Variants in AP3B2 observed in about 807,000 individuals in gnomAD.
AP3B2 encodes adaptor related protein complex 3 subunit beta 2.
In AP3B2, 50 loss-of-function variants were observed where a neutral mutation model predicts 126.9. That is an observed-to-expected ratio of 0.39 (90% CI 0.31 to 0.50). AP3B2 has a LOEUF of 0.50. Ranked by LOEUF, AP3B2 falls within the 20% of genes least tolerant of loss-of-function variation. AP3B2 has a pLI of 0.79. For synonymous variants in AP3B2, 541 were observed against 565.0 expected (o/e 0.96, Z 0.60); for missense variants, 1,177 against 1,426.4 (o/e 0.83, Z 2.82).
At chr15:82,682,555 A>G (rs999600061) in intron 4 of AP3B2, among the ~76,000 whole-genome samples, 5 of 152,090 alleles carry the variant, frequency 3.3e-5, no homozygotes, top group Non-Finnish European at 7.4e-5. Context: ...AACGAGTCAC[A>G]TAAATTTTTT....
At chr15:82,670,112 T>TGG (rs1465209530) in intron 14 of AP3B2, among the ~76,000 whole-genome samples, 2,748 of 68,378 alleles carry the variant, frequency 0.04, 221 homozygotes, top group East Asian at 0.082. Context: ...TTTTTTTTTT[T>TGG]GGCGGGGGGG....
chr15:82,692,154 T>G, intron 1 of AP3B2: 2 of 1,488,360 alleles, frequency 1.3e-6, no homozygotes, highest in Non-Finnish European at 1.9e-6. Context: ...ACACTGGCCA[T>G]AATCATAACT....
At chr15:82,700,956 G>A (rs2048711778) in intron 1 of AP3B2, among the ~76,000 whole-genome samples, 1 of 151,704 alleles carries the variant, frequency 6.6e-6, no homozygotes, top group African/African-American at 2.4e-5. Flanking sequence ...CACCTCCCGG[G>A]TTCATGTGAT....
In AP3B2 at chr15:82,665,029, T is replaced by A; in HGVS notation, c.2029-86A>T. 1 of 1,157,794 alleles carries A rather than the reference T, an allele frequency of 8.6e-7. No individual in the cohort carries two copies. Among genetic ancestry groups the A allele is most frequent in the Non-Finnish European group, 1.3e-6 (1 of 792,846 alleles). The allele number at this position is 1,157,794 out of a possible 1,614,324, so 71.7% of individuals were successfully genotyped here. A position where few individuals can be genotyped will look rare whatever the true frequency, so the allele number is the denominator to read the frequency against. On this transcript the variant is annotated intron_variant, in intron 17 of 26. Transcript: ENST00000535359. The surrounding 1 kb of genome is among the most constrained non-coding windows in gnomAD (Gnocchi z 4.4). ...ACAAGCCCTTACCCTTTATTCCACC[T>A]CTTTGTGAGGCCCTACCTGGTCTGT...
At chr15:82,662,658 A>T (rs1410630626) in intron 23 of AP3B2, 36 bp downstream of exon 23, 8 of 1,565,108 alleles carry the variant, frequency 5.1e-6, no homozygotes, top group Non-Finnish European at 6.1e-6. Context: ...TCTGCCCAGG[A>T]GCCTCCTCCT....
chr15:82,682,470 A>G (rs1464224884), intron 4 of AP3B2, among the ~76,000 whole-genome samples: 1 of 152,178 alleles, frequency 6.6e-6, no homozygotes, highest in Non-Finnish European at 1.5e-5. Context: ...AGCAGCAGCT[A>G]TATATTACAG....
At chr15:82,675,172 C>G (rs879927865) in intron 14 of AP3B2, among the ~76,000 whole-genome samples, 2 of 152,240 alleles carry the variant, frequency 1.3e-5, no homozygotes, top group African/African-American at 4.8e-5. Flanking sequence ...TAACTTCTCT[C>G]TCTCCAATCT....
intron 15 of AP3B2, among the ~76,000 whole-genome samples, chr15:82,666,105 GAA>G (rs2048053101): frequency 6.6e-6 from 1 of 152,220 alleles, no homozygotes. Context: ...GAAAAAGAAC[GAA>G]AAGATACCCA....
At chr15:82,661,795 CCT>C (rs772462386) in intron 25 of AP3B2, 28 bp downstream of exon 25, 24 of 1,565,874 alleles carry the variant, frequency 1.5e-5, no homozygotes, top group Admixed American at 3.5e-5. Context: ...TCTATACTTC[CCT>C]CTCTGCCCAC....
chr15:82,701,392 T>C (rs993032567), intron 1 of AP3B2, among the ~76,000 whole-genome samples: 1 of 151,994 alleles, frequency 6.6e-6, no homozygotes. Flanking sequence ...TAAACAAAAA[T>C]ATGGAGTCAT....
intron 1 of AP3B2, among the ~76,000 whole-genome samples, chr15:82,705,327 C>T (rs112441118): frequency 0.022 from 3,421 of 152,226 alleles, 110 homozygotes; most frequent in African/African-American, 0.078. Flanking sequence ...ACTCTCCTTA[C>T]AATTCCCCCA....
In AP3B2 at chr15:82,681,892, G is replaced by C. The variant is rs560583553; in HGVS notation, c.361-312C>G. 6.6e-6 allele frequency among the ~76,000 whole-genome samples: 1 copy of C among 152,132 alleles called. No homozygotes were observed. Among genetic ancestry groups the C allele is most frequent in the Middle Eastern group, 3.4e-3 (1 of 294 alleles). ...TCCTGTTCCTTGTAAGGGTTTTTTT[G>C]GAGGTGCCTGTTTTAATGCCTGAGG... On this transcript the variant is annotated intron_variant, in intron 4 of 26. Transcript: ENST00000535359. The surrounding 1 kb of genome is among the most constrained non-coding windows in gnomAD (Gnocchi z 4.0).
At chr15:82,670,678 G>C (rs1368393950) in intron 14 of AP3B2, among the ~76,000 whole-genome samples, 4 of 152,090 alleles carry the variant, frequency 2.6e-5, no homozygotes, top group Non-Finnish European at 5.9e-5. Flanking sequence ...CACAAGCACG[G>C]GCAACCAAAG....
At chr15:82,662,016 AAG>A in intron 24 of AP3B2, 94 bp from the exon 25 acceptor site, 1 of 1,363,504 alleles carries the variant, frequency 7.3e-7, no homozygotes, top group East Asian at 2.4e-5. Flanking sequence ...GAGGCAGTGA[AAG>A]AGTGAGGTCA....
intron 1 of AP3B2, among the ~76,000 whole-genome samples, chr15:82,690,642 C>CTA (rs2048512081): frequency 1.5e-5 from 1 of 68,926 alleles, no homozygotes; most frequent in Non-Finnish European, 2.6e-5. Flanking sequence ...TTTTCTTCTT[C>CTA]TTTTTTTTTT....
chr15:82,663,983 AGT>A lies in AP3B2; in HGVS notation c.2262-10_2262-9del. 2 of 1,600,228 alleles carry A rather than the reference AGT, an allele frequency of 1.2e-6. No homozygotes were observed. The highest frequency in any genetic ancestry group is 2.2e-5 in the South Asian group (2 of 90,668). Reference sequence around the variant, plus strand: ...TCCTCCTCACTCTGTTCACTGAAGGAGTGGGAAAGGTTGGCTCAGGCCTGGCC... The same window carrying A: ...TCCTCCTCACTCTGTTCACTGAAGGAGGGAAAGGTTGGCTCAGGCCTGGCC... On this transcript the variant is annotated splice_polypyrimidine_tract_variant and intron_variant, in intron 19 of 26. Coordinates refer to ENST00000535359, the MANE Select transcript of AP3B2 (RefSeq NM_001278512.2).
chr15:82,672,152 C>T (rs1034565452), intron 14 of AP3B2, among the ~76,000 whole-genome samples: 4 of 152,184 alleles, frequency 2.6e-5, no homozygotes, highest in African/African-American at 9.7e-5. Flanking sequence ...TATATCTGCA[C>T]ACCTACGTTT....
Position 82,664,730 on chromosome 15 carries a change from G to A in AP3B2, c.2137+105C>T, listed in dbSNP as rs750517068. 13 of 993,016 alleles carry A rather than the reference G, an allele frequency of 1.3e-5. No individual in the cohort carries two copies. The highest frequency in any genetic ancestry group is 3.2e-5 in the South Asian group (2 of 62,778). The allele number at this position is 993,016 out of a possible 1,614,324, so 61.5% of individuals were successfully genotyped here. A position where few individuals can be genotyped will look rare whatever the true frequency, so the allele number is the denominator to read the frequency against. ...AGGTGCACAAACAATTCACAAGCAG[G>A]TGCACACCCCTAGACACACAACCAT... On this transcript the variant is annotated intron_variant, in intron 18 of 26. Transcript: ENST00000535359. This position sits in a 1 kb window ranked among gnomAD's most constrained non-coding sequence, Gnocchi z 4.5.
chr15:82,688,361 A>C, intron 4 of AP3B2: 1 of 696,202 alleles, frequency 1.4e-6, no homozygotes, highest in Non-Finnish European at 2.6e-6. Context: ...TAAAGGTTGA[A>C]ATCTACCTGG....
Sources: allele counts gnomAD v4.1 joint callset (sites outside exome capture counted in the v4.1 genomes callset), GRCh38; gene constraint gnomAD v4.1.1; non-coding constraint Gnocchi (gnomAD v3.1); transcripts MANE v1.5; gene names NCBI Gene and HGNC (gene_info 2026-07-23, HGNC 2026-07-21).